The following MACROD2 variants were observed in gnomAD, a reference collection of about 807,000 sequenced individuals.
The protein encoded by MACROD2 is mono-ADP ribosylhydrolase 2.
A neutral mutation model predicts 70.4 loss-of-function variants in MACROD2; 36 were observed. The observed-to-expected ratio is 0.51, with a 90% CI of 0.39 to 0.68. The LOEUF is 0.68. Ranked by LOEUF, MACROD2 falls within the 30% of genes least tolerant of loss-of-function variation. The pLI is 0.00. For missense variants in MACROD2, 496 were observed against 538.4 expected (o/e 0.92, Z 0.78); for synonymous variants, 172 against 178.8 (o/e 0.96, Z 0.30).
chr20:14,232,701 A>T (rs1223888728), intron 3 of MACROD2, among the ~76,000 whole-genome samples: 1 of 152,244 alleles, frequency 6.6e-6, no homozygotes, highest in Non-Finnish European at 1.5e-5. Flanking sequence ...TGTTCTATCC[A>T]GATTGCTCAA....
Position 15,454,406 on chromosome 20 carries a change from A to AACACACACACAC in MACROD2, c.571+23008_571+23019dup, listed in dbSNP as rs10523169. ...ATATCCCTCTCATTTGACATATTCA[A>AACACACACACAC]ACACACACACACACACACACACACA... On this transcript the variant is annotated intron_variant, in intron 7 of 17. Transcript: ENST00000684519. 3.3e-3 allele frequency among the ~76,000 whole-genome samples: 451 copies of AACACACACACAC among 137,526 alleles called. 6 individuals are homozygous for AACACACACACAC. The highest frequency in any genetic ancestry group is 0.018 in the Middle Eastern group (5 of 284). 90.2% of individuals were successfully genotyped at this position (137,526 alleles called of 152,430 possible). A position where few individuals can be genotyped will look rare whatever the true frequency, so the allele number is the denominator to read the frequency against.
chr20:15,373,998 T>C (rs2045527887), intron 6 of MACROD2, among the ~76,000 whole-genome samples: 1 of 152,172 alleles, frequency 6.6e-6, no homozygotes, highest in African/African-American at 2.4e-5. Context: ...TATTGTTTGT[T>C]TGTTTTCCCT....
intron 4 of MACROD2, among the ~76,000 whole-genome samples, chr20:14,595,372 C>T (rs1428776660): frequency 1.3e-5 from 2 of 152,168 alleles, no homozygotes; most frequent in Non-Finnish European, 2.9e-5. Flanking sequence ...AACCCCTGTA[C>T]CACCTAGGAA....
intron 5 of MACROD2, among the ~76,000 whole-genome samples, chr20:15,159,235 C>T (rs1483098480): frequency 6.6e-6 from 1 of 152,026 alleles, no homozygotes; most frequent in Non-Finnish European, 1.5e-5. Flanking sequence ...AAAAATGTGT[C>T]TTTTGTTGTA....
chr20:14,426,517 A>G (rs1288147803), intron 3 of MACROD2, among the ~76,000 whole-genome samples: 2 of 152,078 alleles, frequency 1.3e-5, no homozygotes, highest in African/African-American at 4.8e-5. Context: ...CTTTCCTCAG[A>G]TGTCTTGTAG....
At chr20:15,698,308 G>A (rs1358803886) in intron 8 of MACROD2, among the ~76,000 whole-genome samples, 1 of 152,102 alleles carries the variant, frequency 6.6e-6, no homozygotes. Flanking sequence ...GTCTGAAAAC[G>A]ACTGTACCTT....
At chr20:15,449,596 C>A (rs1475405290) in intron 7 of MACROD2, among the ~76,000 whole-genome samples, 1 of 152,086 alleles carries the variant, frequency 6.6e-6, no homozygotes, top group Non-Finnish European at 1.5e-5. Context: ...ACCAAATTTT[C>A]AGTCTTTTTA....
Position 15,987,109 on chromosome 20 carries a change from A to G in MACROD2, c.1104A>G (p.Pro368=), listed in dbSNP as rs2066496363. 6.2e-7 allele frequency: 1 copy of G among 1,612,610 alleles called. No homozygotes were observed. Among genetic ancestry groups the G allele is most frequent in the Non-Finnish European group, 8.5e-7 (1 of 1,179,676 alleles). The change falls in exon 15 of 18, where the codon CCA becomes CCG. Residue 368 remains proline (P), a synonymous_variant. Coordinates refer to ENST00000684519, the MANE Select transcript of MACROD2 (RefSeq NM_001351661.2). Reference sequence around the variant, plus strand: ...AAGATGCCGTGATTGTGGAGCAACCAGAAGTGATTCCATTAACAGAGGACC... The same window carrying G: ...AAGATGCCGTGATTGTGGAGCAACCGGAAGTGATTCCATTAACAGAGGACC... ...NQEDAVIVEQ[P]EVIPLTEDQE... is the part of the protein sequence containing the mutation.
chr20:14,098,988 A>G (rs1177411650), intron 3 of MACROD2, among the ~76,000 whole-genome samples: 3 of 152,290 alleles, frequency 2.0e-5, no homozygotes, highest in South Asian at 2.1e-4. Flanking sequence ...CAGATAAAAA[A>G]GCAGAACGTG....
rs1432157730 is a variant in MACROD2 at position 15,834,285 on chromosome 20, A to T, written c.646-28460A>T. On this transcript the variant is annotated intron_variant, in intron 8 of 17. Transcript: ENST00000684519. Reference sequence around the variant, plus strand: ...AACCCAGGAGGCAGAGGTTGCAGTGAGCTGAGATTGCACCACTGCACTCCC... The same window carrying T: ...AACCCAGGAGGCAGAGGTTGCAGTGTGCTGAGATTGCACCACTGCACTCCC... Among the ~76,000 whole-genome samples, 3 of 152,202 alleles carry T rather than the reference A, an allele frequency of 2.0e-5. No homozygotes were observed. The East Asian group carries it at 5.8e-4, about 29-fold the overall frequency.
chr20:14,737,987 A>G (rs1241456399), intron 5 of MACROD2, among the ~76,000 whole-genome samples: 1 of 152,112 alleles, frequency 6.6e-6, no homozygotes, highest in Non-Finnish European at 1.5e-5. Flanking sequence ...TCCTCTACAC[A>G]GTCCTCATTG....
chr20:15,709,244 C>T (rs1034358526), intron 8 of MACROD2, among the ~76,000 whole-genome samples: 1 of 152,156 alleles, frequency 6.6e-6, no homozygotes, highest in African/African-American at 2.4e-5. Flanking sequence ...TGGCGGTGAA[C>T]GGGAGGAGCA....
chr20:14,344,285 T>C (rs1203370813), intron 3 of MACROD2, among the ~76,000 whole-genome samples: 1 of 152,174 alleles, frequency 6.6e-6, no homozygotes, highest in Non-Finnish European at 1.5e-5. Flanking sequence ...ATTTGCCAGA[T>C]TTTCGGGGAT....
chr20:14,202,521 A>G (rs2081487568), intron 3 of MACROD2, among the ~76,000 whole-genome samples: 1 of 152,218 alleles, frequency 6.6e-6, no homozygotes, highest in Non-Finnish European at 1.5e-5. Flanking sequence ...TACTGAATGA[A>G]TCTCCATAAT....
chr20:14,350,079 A>G (rs1223431306), intron 3 of MACROD2, among the ~76,000 whole-genome samples: 1 of 152,014 alleles, frequency 6.6e-6, no homozygotes, highest in Non-Finnish European at 1.5e-5. Context: ...GTTTGGCTGC[A>G]TAGTACTCCA....
At chr20:14,006,623 AT>A (rs1569111487) in intron 2 of MACROD2, among the ~76,000 whole-genome samples, 1 of 152,092 alleles carries the variant, frequency 6.6e-6, no homozygotes, top group Non-Finnish European at 1.5e-5. Context: ...TTTACAATTG[AT>A]TTGCTTGAAT....
At chr20:15,645,127 T>C (rs1366120814) in intron 8 of MACROD2, among the ~76,000 whole-genome samples, 4 of 152,180 alleles carry the variant, frequency 2.6e-5, no homozygotes, top group Admixed American at 2.6e-4. Context: ...AAATAAATGA[T>C]TGTCTCTGAG....
At chr20:14,195,603 A>G (rs2081424018) in intron 3 of MACROD2, among the ~76,000 whole-genome samples, 1 of 152,066 alleles carries the variant, frequency 6.6e-6, no homozygotes, top group African/African-American at 2.4e-5. Context: ...GCAGACACAC[A>G]CACACAAGCG....
chr20:15,565,780 G>T (rs562380015), intron 8 of MACROD2, among the ~76,000 whole-genome samples: 1 of 152,154 alleles, frequency 6.6e-6, no homozygotes, highest in South Asian at 2.1e-4. Context: ...TACAGACGCG[G>T]TCTGGCTGTA....
Sources: gnomAD v4.1 joint callset for allele counts (sites outside exome capture counted in the v4.1 genomes callset) on GRCh38, gnomAD v4.1.1 for gene constraint, MANE v1.5 for transcripts, NCBI Gene and HGNC (gene_info 2026-07-23, HGNC 2026-07-21) for gene names.